RGPD4: variants seen among roughly 807,000 people sequenced by gnomAD.
The protein encoded by RGPD4 is ranBP2-like and GRIP domain-containing protein 4.
RGPD4 carries 84 observed loss-of-function variants against 141.1 expected under a neutral mutation model. The observed-to-expected ratio is 0.60, with a 90% confidence interval of 0.50 to 0.71. The LOEUF (loss-of-function observed/expected upper bound fraction) is 0.71, where lower values mean the gene tolerates loss of function less well. RGPD4 is among the 30% of genes least tolerant of loss of function. The pLI is 0.00. For missense variants in RGPD4, 918 were observed against 1,622.4 expected (o/e 0.57, Z 7.46); for synonymous variants, 298 against 566.8 (o/e 0.53, Z 6.74).
At chr2:107,877,034 A>C (rs1649499987) in intron 20 of RGPD4, among the ~76,000 whole-genome samples, 1 of 151,770 alleles carries the variant, frequency 6.6e-6, no homozygotes, top group Non-Finnish European at 1.5e-5. Flanking sequence ...TGAACTTCAG[A>C]TTTTTGGGAG....
chr2:107,831,201 T>A (rs72942810), intron 1 of RGPD4, among the ~76,000 whole-genome samples: 90,191 of 138,806 alleles, frequency 0.65, 31,085 homozygotes, highest in African/African-American at 0.74. Flanking sequence ...AGAAAAAAAA[T>A]ATATAATTCT....
chr2:107,871,945 C>T lies in RGPD4; in HGVS notation c.3941C>T (p.Thr1314Ile). 6.2e-7 allele frequency: 1 copy of T among 1,611,486 alleles called. No individual in the cohort carries two copies. The highest frequency in any genetic ancestry group is 8.5e-7 in the Non-Finnish European group (1 of 1,179,836). The change falls in exon 20 of 23, where the codon ACT becomes ATT. Residue 1314 changes from threonine (T) to isoleucine (I), a missense_variant. By Grantham distance (89) the Thr-to-Ile change is moderately conservative (BLOSUM62 -1). Coordinates refer to ENST00000408999, the MANE Select transcript of RGPD4 (RefSeq NM_182588.3). Reference sequence around the variant, plus strand: ...CCTGCCAAGTTGAATCAGAGTGGGACTTCAGTTGGCACTGATGAAGAATCT... The same window carrying T: ...CCTGCCAAGTTGAATCAGAGTGGGATTTCAGTTGGCACTGATGAAGAATCT... ...KSPAKLNQSG[T>I]SVGTDEESDV...
intron 22 of RGPD4, among the ~76,000 whole-genome samples, chr2:107,883,427 T>G (rs1214647153): frequency 1.3e-5 from 2 of 150,302 alleles, no homozygotes; most frequent in African/African-American, 5.0e-5. Context: ...ATCAAGATAC[T>G]GAGACCATCC....
At chr2:107,869,738 T>C (rs1682842255) in intron 18 of RGPD4, 145 bp from the exon 19 acceptor site, 1 of 539,588 alleles carries the variant, frequency 1.9e-6, no homozygotes, top group Admixed American at 3.4e-5. Flanking sequence ...GATTGGTGTA[T>C]TTTGATGTAC....
rs1463057012 is a variant in RGPD4 at position 107,827,641 on chromosome 2, G to C, written c.72+556G>C. Reference sequence around the variant, plus strand: ...TGGCTCAGGCGTCATGGCTCCCGACGGGCGCTGCTCCCTGGCACGCTCTGT... The same window carrying C: ...TGGCTCAGGCGTCATGGCTCCCGACCGGCGCTGCTCCCTGGCACGCTCTGT... On this transcript the variant is annotated intron_variant, in intron 1 of 22. Transcript: ENST00000408999. Among the ~76,000 whole-genome samples, 13 of 48,806 alleles carry C rather than the reference G, an allele frequency of 2.7e-4. No homozygotes were observed. The East Asian group carries it at 2.8e-3, about 10-fold the overall frequency. The allele number at this position is 48,806 out of a possible 152,430, so 32.0% of individuals were successfully genotyped here. A position where few individuals can be genotyped will look rare whatever the true frequency, so the allele number is the denominator to read the frequency against.
At chr2:107,885,245 C>T (rs1357281182) in intron 22 of RGPD4, among the ~76,000 whole-genome samples, 5 of 151,448 alleles carry the variant, frequency 3.3e-5, no homozygotes, top group African/African-American at 1.2e-4. Context: ...GTAAAACTGC[C>T]CCTATAAAAA....
At chr2:107,846,594 G>A (rs561464080) in intron 6 of RGPD4, among the ~76,000 whole-genome samples, 1,636 of 149,118 alleles carry the variant, frequency 0.011, 44 homozygotes, top group African/African-American at 0.038. Flanking sequence ...AGCCTCCCAA[G>A]TAGCTGGAAT....
chr2:107,830,135 G>A (rs151242229), intron 1 of RGPD4, among the ~76,000 whole-genome samples: 20 of 151,200 alleles, frequency 1.3e-4, no homozygotes, highest in African/African-American at 4.4e-4. Flanking sequence ...CACCTCCCTC[G>A]CCCCCATCCC....
At chr2:107,869,846 T>C in intron 18 of RGPD4, 37 bp from the exon 19 acceptor site, 1 of 1,517,706 alleles carries the variant, frequency 6.6e-7, no homozygotes, top group Non-Finnish European at 8.8e-7. Flanking sequence ...GTATAGACTT[T>C]AACAGTGTTT....
chr2:107,872,256 C>T lies in RGPD4; in HGVS notation c.4252C>T (p.Gln1418Ter), dbSNP rs778073010. ...NHTITPDMSL[Q>*]NMKGTERVWV... ...CACAATAACTCCAGACATGAGTTTG[C>T]AAAATATGAAAGGGACAGAAAGAGT... The change falls in exon 20 of 23, where the codon CAA becomes TAA. Residue 1418 changes from glutamine to a stop codon, truncating the protein, a stop_gained. Transcript: ENST00000408999. LOFTEE classifies it high-confidence loss of function. 1 of 1,611,100 alleles carries T rather than the reference C, an allele frequency of 6.2e-7. No individual in the cohort carries two copies. Among genetic ancestry groups the T allele is most frequent in the East Asian group, 2.2e-5 (1 of 44,858 alleles).
At chr2:107,883,284 C>G in intron 22 of RGPD4, 1 of 399,152 alleles carries the variant, frequency 2.5e-6, no homozygotes, top group Non-Finnish European at 5.0e-6. Context: ...GTCATATAGC[C>G]CAACACTTGG....
chr2:107,831,686 C>G (rs956076747), intron 1 of RGPD4, among the ~76,000 whole-genome samples: 7 of 138,104 alleles, frequency 5.1e-5, no homozygotes, highest in Non-Finnish European at 1.1e-4. Flanking sequence ...CACCATTCTC[C>G]TGCCCCAGCC....
At chr2:107,888,372 C>G (rs1217969400) in intron 22 of RGPD4, among the ~76,000 whole-genome samples, 1 of 151,218 alleles carries the variant, frequency 6.6e-6, no homozygotes, top group Non-Finnish European at 1.5e-5. Flanking sequence ...GAACATACAA[C>G]AGTGCATTTC....
Position 107,872,703 on chromosome 2 carries a change from G to T in RGPD4, c.4699G>T (p.Gly1567Trp). The T allele has an allele frequency of 6.2e-7, 1 of 1,611,398 alleles. No individual in the cohort carries two copies. Among genetic ancestry groups the T allele is most frequent in the Non-Finnish European group, 8.5e-7 (1 of 1,179,830 alleles). ...TGCATTTGGCAACAGTTCTGCCACT[G>T]GGTCTTTGTTTGGATTTAGTTTTAA... Reference protein sequence around the residue: ...PFAFGNSSATGSLFGFSFNAS... With the variant: ...PFAFGNSSATWSLFGFSFNAS... Residue 1567 changes from glycine (G) to tryptophan (W), a missense_variant, in exon 20 of 23, where the codon GGG becomes TGG. By Grantham distance (184) the Gly-to-Trp change is radical (BLOSUM62 -2). Coordinates refer to ENST00000408999, the MANE Select transcript of RGPD4 (RefSeq NM_182588.3).
intron 9 of RGPD4, among the ~76,000 whole-genome samples, chr2:107,857,464 G>T (rs1457710458): frequency 1.3e-5 from 2 of 148,868 alleles, no homozygotes; most frequent in Non-Finnish European, 3.0e-5. Context: ...ACAGGGTCTC[G>T]CTGTGTCACC....
intron 19 of RGPD4, among the ~76,000 whole-genome samples, chr2:107,870,205 T>G (rs944504041): frequency 6.8e-6 from 1 of 147,602 alleles, no homozygotes; most frequent in Non-Finnish European, 1.5e-5. Context: ...GTGGTGGTGG[T>G]GGATCCTTCA....
At chr2:107,881,834 AT>A (rs1675374911) in intron 21 of RGPD4, among the ~76,000 whole-genome samples, 1 of 151,332 alleles carries the variant, frequency 6.6e-6, no homozygotes, top group Non-Finnish European at 1.5e-5. Flanking sequence ...TCTTTGCCTC[AT>A]TTCTCTGATA....
chr2:107,859,905 A>T, intron 12 of RGPD4, 60 bp downstream of exon 12: 3 of 1,531,126 alleles, frequency 2.0e-6, no homozygotes, highest in Non-Finnish European at 2.6e-6. Context: ...AAAATCATGA[A>T]CTTTTTATTG....
intron 8 of RGPD4, among the ~76,000 whole-genome samples, chr2:107,855,826 G>A (rs1299375004): frequency 1.2e-5 from 1 of 84,106 alleles, no homozygotes; most frequent in Non-Finnish European, 2.3e-5. Flanking sequence ...TCTCAGCCTT[G>A]GCAACCGCTA....
Sources: gnomAD v4.1 joint callset for allele counts (sites outside exome capture counted in the v4.1 genomes callset) on GRCh38, gnomAD v4.1.1 for gene constraint, MANE v1.5 for transcripts, NCBI Gene and HGNC (gene_info 2026-07-23, HGNC 2026-07-21) for gene names.